Variants in ZBTB40 observed in about 807,000 individuals in gnomAD.
ZBTB40 encodes the protein zinc finger and BTB domain-containing protein 40.
Under a neutral mutation model 117.5 loss-of-function variants are expected in ZBTB40, and 60 were observed. The ratio of observed to expected loss-of-function variants is 0.51; its 90% confidence interval spans 0.41 to 0.63. The LOEUF (loss-of-function observed/expected upper bound fraction) is 0.63, where lower values mean the gene tolerates loss of function less well. Ranked by LOEUF, ZBTB40 falls within the 30% of genes least tolerant of loss-of-function variation. ZBTB40 has a pLI of 0.00. For synonymous variants in ZBTB40, 525 were observed against 577.1 expected (o/e 0.91, Z 1.29); for missense variants, 1,287 against 1,498.5 (o/e 0.86, Z 2.33).
chr1:22,520,771 C>T (rs1639499979), intron 14 of ZBTB40, among the ~76,000 whole-genome samples: 1 of 152,196 alleles, frequency 6.6e-6, no homozygotes. Context: ...CTGTCAGAAG[C>T]TTTAAAACTA....
chr1:22,505,750 CAT>C (rs1639060853), intron 5 of ZBTB40, among the ~76,000 whole-genome samples: 2 of 152,274 alleles, frequency 1.3e-5, no homozygotes, highest in Admixed American at 1.3e-4. Flanking sequence ...CTTGCTGTAT[CAT>C]ATAGGCCTAG....
At position 22,507,986 on chromosome 1, in the gene ZBTB40, C is replaced by G. The variant is rs763336046; in HGVS notation, c.1361-15C>G. 7.4e-6 allele frequency: 12 copies of G among 1,613,982 alleles called. No individual in the cohort carries two copies. In the South Asian group the frequency reaches 1.2e-4, roughly 16 times the overall value. ...TGTTGCATCAAACATTATTGTTTTG[C>G]TAATATCCTTACAGTCCAACCAAGC... On this transcript the variant is annotated splice_polypyrimidine_tract_variant and intron_variant, in intron 6 of 17. Coordinates refer to ENST00000375647, the MANE Select transcript of ZBTB40 (RefSeq NM_014870.4).
intron 3 of ZBTB40, among the ~76,000 whole-genome samples, chr1:22,500,195 A>T (rs1489923533): frequency 5.3e-5 from 8 of 152,196 alleles, no homozygotes; most frequent in African/African-American, 1.9e-4. Context: ...TGCGTGAGAG[A>T]TGTTCTGTCA....
chr1:22,448,795 G>A (rs1233350979), upstream of ZBTB40, among the ~76,000 whole-genome samples: 4 of 136,624 alleles, frequency 2.9e-5, no homozygotes, highest in African/African-American at 9.8e-5. Context: ...CGTGGTGGTT[G>A]TGTTATTTCT....
intron 1 of ZBTB40, among the ~76,000 whole-genome samples, chr1:22,485,337 C>T (rs900926023): frequency 3.9e-5 from 6 of 152,132 alleles, no homozygotes; most frequent in African/African-American, 9.7e-5. Context: ...TAGGCCTATT[C>T]AGATAGTCTA....
chr1:22,477,355 TAC>T (rs974024343), intron 1 of ZBTB40, among the ~76,000 whole-genome samples: 5 of 152,184 alleles, frequency 3.3e-5, no homozygotes, highest in African/African-American at 1.2e-4. Flanking sequence ...TAAGTGTGAA[TAC>T]ACCCACACAC....
At chr1:22,514,253 C>T (rs1424100260) in intron 12 of ZBTB40, among the ~76,000 whole-genome samples, 3 of 152,186 alleles carry the variant, frequency 2.0e-5, no homozygotes, top group Admixed American at 2.0e-4. Context: ...CATTGTTTGA[C>T]GTGGACTGTC....
chr1:22,520,196 C>T lies in ZBTB40; in HGVS notation c.2969C>T (p.Pro990Leu), dbSNP rs539370362. The change falls in exon 14 of 18, where the codon CCG becomes CTG. Residue 990 changes from proline to leucine, a missense_variant. Transcript: ENST00000375647. ...ACGTGTGGGAAGATCTTCAGTGCCC[C>T]GTCCATGCTGGAGCGGCACGTGGTG... ...CPTCGKIFSA[P>L]SMLERHVVTH... 2.4e-5 allele frequency: 38 copies of T among 1,614,102 alleles called. No homozygotes were observed. The African/African-American group carries it at 2.5e-4, about 11-fold the overall frequency.
intron 1 of ZBTB40, among the ~76,000 whole-genome samples, chr1:22,446,224 A>G (rs527325947): frequency 3.1e-4 from 13 of 42,428 alleles, no homozygotes; most frequent in African/African-American, 7.6e-4. Flanking sequence ...TCCAAAACTG[A>G]AAAAAAAAAA....
chr1:22,522,972 G>A (rs1176040650), intron 16 of ZBTB40, among the ~76,000 whole-genome samples: 2 of 70,260 alleles, frequency 2.8e-5, no homozygotes, highest in African/African-American at 7.7e-5. Context: ...TTTTGAGATG[G>A]AGTCTCACTC....
rs1402154159 is a variant in ZBTB40, at chr1:22,527,799, G to A, written c.*1403G>A. 6.6e-6 allele frequency: 1 copy of A among 152,410 alleles called. No homozygotes were observed. Among genetic ancestry groups the A allele is most frequent in the Non-Finnish European group, 1.5e-5 (1 of 68,058 alleles). The allele number at this position is 152,410 out of a possible 1,614,324, so 9.4% of individuals were successfully genotyped here. The stretch of plus-strand genomic sequence containing the variant: ...GCTTTTATTGCTCCCACATGGTCAG[G>A]TCTCACCCTGCTTGAAGCGCAGAAG... On this transcript the variant is annotated 3_prime_UTR_variant, in exon 18 of 18. Coordinates refer to ENST00000375647, the MANE Select transcript of ZBTB40 (RefSeq NM_014870.4).
Position 22,491,552 on chromosome 1 carries a change from TG to T in ZBTB40, c.831+20del. 1 of 1,613,586 alleles carries T rather than the reference TG, an allele frequency of 6.2e-7. No individual in the cohort carries two copies. The highest frequency in any genetic ancestry group is 8.5e-7 in the Non-Finnish European group (1 of 1,179,648). On this transcript the variant is annotated intron_variant, in intron 3 of 17. Coordinates refer to ENST00000375647, the MANE Select transcript of ZBTB40 (RefSeq NM_014870.4). The stretch of plus-strand genomic sequence containing the variant: ...GAAGGAGGTAGGCACCTCTGACTTT[TG>T]TACTTGTTTGCTAGTTTAGTGTTCT...
At chr1:22,460,449 A>G (rs74060240) in intron 1 of ZBTB40, among the ~76,000 whole-genome samples, 5 of 152,202 alleles carry the variant, frequency 3.3e-5, no homozygotes, top group Admixed American at 2.6e-4. Context: ...TCATGTTGAT[A>G]ATAATAGTTA....
In ZBTB40 at chr1:22,457,554, G is replaced by A. The variant is rs16827165; in HGVS notation, c.-70+5550G>A. On this transcript the variant is annotated intron_variant, in intron 1 of 17. Transcript: ENST00000375647. ...AGCGACCTCTGCTGCAGGCACTAGC[G>A]TGGTTCTGGAACAGGACCAAACAGT... is the stretch of plus-strand genomic sequence containing the variant. Among the ~76,000 whole-genome samples the A allele has an allele frequency of 4.6e-3, 693 of 152,296 alleles. 7 individuals carry two copies. The highest frequency in any genetic ancestry group is 0.016 in the African/African-American group (650 of 41,558).
In ZBTB40 at chr1:22,451,980, G is replaced by C. The variant is rs1640884414; in HGVS notation, c.-94G>C. 6.6e-6 allele frequency: 1 copy of C among 152,434 alleles called. No homozygotes were observed. The highest frequency in any genetic ancestry group is 2.4e-5 in the African/African-American group (1 of 41,468). The allele number at this position is 152,434 out of a possible 1,614,324, so 9.4% of individuals were successfully genotyped here. ...CTCTATGGCGCTGTCAATAAAGAAC[G>C]GCAGTTTGAATCGGTGCTGAACAGG... On this transcript the variant is annotated 5_prime_UTR_variant, in exon 1 of 18. Coordinates refer to ENST00000375647, the MANE Select transcript of ZBTB40 (RefSeq NM_014870.4).
chr1:22,507,607 C>T (rs761234852), intron 6 of ZBTB40, among the ~76,000 whole-genome samples: 4 of 152,214 alleles, frequency 2.6e-5, no homozygotes, highest in Non-Finnish European at 5.9e-5. Flanking sequence ...CACGGGTCAG[C>T]TTCACACGCA....
chr1:22,450,406 G>T (rs1359437364), upstream of ZBTB40, among the ~76,000 whole-genome samples: 1 of 152,214 alleles, frequency 6.6e-6, no homozygotes, highest in East Asian at 1.9e-4. Context: ...CGTGGTTCCA[G>T]TTACTACAAA....
In ZBTB40 at chr1:22,513,901, TTA is replaced by T. The variant is rs1639308412; in HGVS notation, c.2668+772_2668+773del. On this transcript the variant is annotated intron_variant, in intron 12 of 17. Transcript: ENST00000375647. This position sits in a 1 kb window ranked among gnomAD's most constrained non-coding sequence, Gnocchi z 4.9. ...TTTGCCATTAAAAGTTATAGAGAAT[TTA>T]CATAAAATTATTTGAGCTTTGAAGT... Among the ~76,000 whole-genome samples, 1 of 152,064 alleles carries T rather than the reference TTA, an allele frequency of 6.6e-6. No individual in the cohort carries two copies. Among genetic ancestry groups the T allele is most frequent in the Non-Finnish European group, 1.5e-5 (1 of 68,024 alleles).
At chr1:22,525,616 C>T (rs1484971886) in intron 17 of ZBTB40, among the ~76,000 whole-genome samples, 2 of 152,238 alleles carry the variant, frequency 1.3e-5, no homozygotes, top group Non-Finnish European at 2.9e-5. Context: ...TTGGAAGGGA[C>T]ATAGGTGGGC....
Sources: allele counts gnomAD v4.1 joint callset (sites outside exome capture counted in the v4.1 genomes callset), GRCh38; gene constraint gnomAD v4.1.1; non-coding constraint Gnocchi (gnomAD v3.1); transcripts MANE v1.5; gene names NCBI Gene and HGNC (gene_info 2026-07-23, HGNC 2026-07-21).